Variants in RABGAP1L observed in about 807,000 individuals in gnomAD.
RABGAP1L encodes rab GTPase-activating protein 1-like.
Under a neutral mutation model 137.7 loss-of-function variants are expected in RABGAP1L, and 63 were observed. The ratio of observed to expected loss-of-function variants is 0.46; its 90% CI spans 0.37 to 0.56. The LOEUF (loss-of-function observed/expected upper bound fraction) is 0.56. Ranked by LOEUF, RABGAP1L falls within the 20% of genes least tolerant of loss-of-function variation. The pLI is 0.00. For missense variants in RABGAP1L, 1,095 were observed against 1,244.0 expected (o/e 0.88, Z 1.80); for synonymous variants, 431 against 433.7 (o/e 0.99, Z 0.08).
At chr1:174,754,565 G>A (rs1205937507) in intron 18 of RABGAP1L, among the ~76,000 whole-genome samples, 2 of 151,992 alleles carry the variant, frequency 1.3e-5, no homozygotes, top group Non-Finnish European at 2.9e-5. Context: ...ATAGTGGCGT[G>A]GTGATAGCTT....
At chr1:174,198,534 A>C (rs551503697) in intron 1 of RABGAP1L, among the ~76,000 whole-genome samples, 55 of 152,296 alleles carry the variant, frequency 3.6e-4, no homozygotes, top group African/African-American at 1.2e-3. Flanking sequence ...GATTTATTTG[A>C]TTTAAGATGA....
At chr1:174,939,187 T>G (rs1227723262) in intron 19 of RABGAP1L, among the ~76,000 whole-genome samples, 2 of 152,166 alleles carry the variant, frequency 1.3e-5, no homozygotes, top group Non-Finnish European at 2.9e-5. Flanking sequence ...TATATATCTG[T>G]TGTTTATGTG....
chr1:174,161,167 A>C (rs1249566046), intron 1 of RABGAP1L, among the ~76,000 whole-genome samples: 1 of 151,918 alleles, frequency 6.6e-6, no homozygotes, highest in Non-Finnish European at 1.5e-5. Flanking sequence ...TAGATAAAGC[A>C]GGGCAGAGTT....
In RABGAP1L at chr1:174,832,352, G is replaced by A. The variant is rs571519469; in HGVS notation, c.2340+20392G>A. ...AAAAGAAAAGGAAAAGAAAAAAGAG[G>A]TCCATGAGTAGAGTACTGCATTTGT... is the stretch of plus-strand genomic sequence containing the variant. On this transcript the variant is annotated intron_variant, in intron 19 of 25. Transcript: ENST00000681986. 7.5e-5 allele frequency among the ~76,000 whole-genome samples: 11 copies of A among 147,424 alleles called. 1 individual carries two copies. In the South Asian group the frequency reaches 1.1e-3, roughly 15 times the overall value.
chr1:174,949,599 T>C (rs988683619), intron 19 of RABGAP1L, among the ~76,000 whole-genome samples: 1 of 152,130 alleles, frequency 6.6e-6, no homozygotes, highest in African/African-American at 2.4e-5. Context: ...ATATCTTGAA[T>C]GTTAACCATC....
chr1:174,162,777 GTTTTTTTTTT>G (rs67811794), intron 1 of RABGAP1L, among the ~76,000 whole-genome samples: 18 of 51,556 alleles, frequency 3.5e-4, no homozygotes, highest in African/African-American at 1.3e-3. Context: ...TTCTCTTTCT[GTTTTTTTTTT>G]TTTTTTTTTT....
At chr1:174,874,338 A>G (rs919600559) in intron 19 of RABGAP1L, 14 of 308,638 alleles carry the variant, frequency 4.5e-5, no homozygotes, top group Non-Finnish European at 6.6e-5. Context: ...CCAGGAATCT[A>G]TTCTCTCCCT....
intron 13 of RABGAP1L, among the ~76,000 whole-genome samples, chr1:174,435,141 T>C (rs1469399201): frequency 6.6e-6 from 1 of 152,126 alleles, no homozygotes; most frequent in Non-Finnish European, 1.5e-5. Context: ...CTGCCTCAGC[T>C]TGCAGGTAGC....
chr1:174,612,263 G>A (rs957057428), intron 13 of RABGAP1L, among the ~76,000 whole-genome samples: 3 of 152,182 alleles, frequency 2.0e-5, no homozygotes, highest in Non-Finnish European at 2.9e-5. Flanking sequence ...TTTTTAGCAT[G>A]AAGCATTGTT....
At chr1:174,989,774 GCTGCACA>G (rs1671926933) in intron 25 of RABGAP1L, 68 bp from the exon 26 acceptor site, 3 of 1,477,616 alleles carry the variant, frequency 2.0e-6, no homozygotes, top group Admixed American at 2.1e-5. Context: ...ACTCCAAAAA[GCTGCACA>G]CTTTTATTTA....
At chr1:174,438,744 G>GTGTATATATATATATATATATATATATA (rs1161311071) in intron 13 of RABGAP1L, among the ~76,000 whole-genome samples, 1 of 95,456 alleles carries the variant, frequency 1.0e-5, no homozygotes, top group African/African-American at 4.7e-5. Flanking sequence ...GTGTGTGTGT[G>GTGTATATATATATATATATATATATATA]TATATATATA....
intron 18 of RABGAP1L, chr1:174,800,634 T>C: frequency 3.7e-6 from 5 of 1,339,060 alleles, no homozygotes; most frequent in Non-Finnish European, 5.0e-6. Context: ...AAGGAAATGC[T>C]GAGTGGCCAC....
chr1:174,722,760 A>G (rs1314050843), intron 17 of RABGAP1L, among the ~76,000 whole-genome samples: 1 of 151,976 alleles, frequency 6.6e-6, no homozygotes, highest in Non-Finnish European at 1.5e-5. Context: ...CTTTATCTCA[A>G]GCTTCTACCA....
chr1:174,160,917 G>A (rs1664384502), intron 1 of RABGAP1L, among the ~76,000 whole-genome samples: 1 of 152,188 alleles, frequency 6.6e-6, no homozygotes, highest in Non-Finnish European at 1.5e-5. Flanking sequence ...TGGTTCACAA[G>A]CTCCTAGTAC....
intron 14 of RABGAP1L, among the ~76,000 whole-genome samples, chr1:174,664,734 C>CTTTTTTT (rs71701825): frequency 5.5e-4 from 54 of 97,556 alleles, no homozygotes; most frequent in South Asian, 1.3e-3. Flanking sequence ...TTTCTGCTTT[C>CTTTTTTT]TTTTTTTTTT....
chr1:174,895,539 A>C (rs1295325880), intron 19 of RABGAP1L, among the ~76,000 whole-genome samples: 1 of 151,932 alleles, frequency 6.6e-6, no homozygotes, highest in Non-Finnish European at 1.5e-5. Flanking sequence ...ATGTGCTGCA[A>C]CCATTAACTT....
rs905597829 is a variant in RABGAP1L at position 174,587,453 on chromosome 1, TAAAATAAAA to T, written c.1711-49921_1711-49913del. ...AAACTTAAAGTATAATAATAATAAA[TAAAATAAAA>T]TAAAATAAAATAAAATATAAAAGTA... On this transcript the variant is annotated intron_variant, in intron 13 of 25. Coordinates refer to ENST00000681986, the MANE Select transcript of RABGAP1L (RefSeq NM_001366446.1). 1.3e-4 allele frequency among the ~76,000 whole-genome samples: 4 copies of T among 30,298 alleles called. No homozygotes were observed. In the African/African-American group the frequency reaches 7.2e-3, roughly 55 times the overall value. The allele number at this position is 30,298 out of a possible 152,430, so 19.9% of individuals were successfully genotyped here.
intron 12 of RABGAP1L, among the ~76,000 whole-genome samples, chr1:174,374,768 G>A (rs956594205): frequency 6.6e-6 from 1 of 152,162 alleles, no homozygotes; most frequent in African/African-American, 2.4e-5. Flanking sequence ...TTCCAGTGAA[G>A]CTTTTATAAA....
chr1:174,960,609 A>C (rs1278585530), intron 20 of RABGAP1L, among the ~76,000 whole-genome samples: 1 of 152,162 alleles, frequency 6.6e-6, no homozygotes, highest in Non-Finnish European at 1.5e-5. Context: ...TAAAAACATG[A>C]ATTTTATGGT....
Sources: allele counts gnomAD v4.1 joint callset (sites outside exome capture counted in the v4.1 genomes callset), GRCh38; gene constraint gnomAD v4.1.1; transcripts MANE v1.5; gene names NCBI Gene and HGNC (gene_info 2026-07-23, HGNC 2026-07-21).